TENM2: variants seen among roughly 807,000 people sequenced by gnomAD.
TENM2 encodes the protein teneurin transmembrane protein 2, also known as teneurin-2.
TENM2 carries 52 observed loss-of-function variants against 245.2 expected under a neutral mutation model. That is an observed-to-expected ratio of 0.21 (90% confidence interval 0.17 to 0.27). TENM2 has a LOEUF of 0.27. TENM2 is among the 10% of genes least tolerant of loss of function. The probability of loss-of-function intolerance (pLI) is 1.00; values close to 1 mark genes in which losing one functional copy is unlikely to be tolerated. For synonymous variants in TENM2, 1,363 were observed against 1,438.9 expected, an observed-to-expected ratio of 0.95 and a Z score of 1.19; for missense variants, 3,046 against 3,666.8, an observed-to-expected ratio of 0.83 and a Z score of 4.37.
At chr5:167,259,343 G>A in the TENM2 span, among the ~76,000 whole-genome samples, 2 of 152,118 alleles carry the variant, frequency 1.3e-5, no homozygotes, top group Non-Finnish European at 2.9e-5. Flanking sequence ...CAGATTCAGT[G>A]TTGCTAGATG....
chr5:167,488,134 C>T (rs1768197078), intron 2 of TENM2, among the ~76,000 whole-genome samples: 1 of 152,078 alleles, frequency 6.6e-6, no homozygotes, highest in Non-Finnish European at 1.5e-5. Context: ...TGTTTCTCTC[C>T]TTCATCATAA....
chr5:167,203,692 A>G, the TENM2 span, among the ~76,000 whole-genome samples: 5 of 152,210 alleles, frequency 3.3e-5, no homozygotes, highest in African/African-American at 9.6e-5. Flanking sequence ...ATAACAAGCT[A>G]TGATGATAGG....
In TENM2 at chr5:168,247,827, G is replaced by T. The variant is rs780461044; in HGVS notation, c.6888G>T (p.Trp2296Cys). Residue 2296 changes from tryptophan (W) to cysteine (C), a missense_variant, in exon 27 of 29, where the codon TGG becomes TGT. Transcript: ENST00000518659. This position sits in a 1 kb window ranked among gnomAD's most constrained non-coding sequence, Gnocchi z 7.8. ...GAGCCTACAACAAGGCCAGCGGGTG[G>T]AGTGTCCAGTACCGCTATGATGGCG... 6.8e-6 allele frequency: 11 copies of T among 1,613,994 alleles called. No individual in the cohort carries two copies. Among genetic ancestry groups the T allele is most frequent in the Non-Finnish European group, 9.3e-6 (11 of 1,179,884 alleles).
intron 2 of TENM2, among the ~76,000 whole-genome samples, chr5:167,527,555 C>T (rs569902657): frequency 1.3e-4 from 20 of 152,234 alleles, no homozygotes; most frequent in East Asian, 1.2e-3. Flanking sequence ...ACTCCAAAGA[C>T]GGGAGAAGAT....
rs192249113 is a variant in TENM2 at position 167,359,378 on chromosome 5, C to T, written c.227-15820C>T. On this transcript the variant is annotated intron_variant, in intron 1 of 28. Coordinates refer to ENST00000518659, the Ensembl canonical transcript of TENM2. ...GAGATCTTTGCACCATTGGCTTCCT[C>T]ATGCAGCAGGTATTGGAAAGATTAA... Among the ~76,000 whole-genome samples the T allele has an allele frequency of 4.7e-3, 722 of 152,258 alleles. 16 individuals are homozygous for T. Among genetic ancestry groups the T allele is most frequent in the Non-Finnish European group, 3.2e-3 (219 of 68,024 alleles).
intron 4 of TENM2, among the ~76,000 whole-genome samples, chr5:167,961,731 A>G (rs774001126): frequency 1.4e-4 from 21 of 152,226 alleles, no homozygotes; most frequent in Admixed American, 8.5e-4. Flanking sequence ...GAATCTAGGG[A>G]TAGAGGGACA....
At position 168,228,818 on chromosome 5, in the gene TENM2, G is replaced by A. The variant is rs531483781; in HGVS notation, c.5520+688G>A. Among the ~76,000 whole-genome samples the A allele has an allele frequency of 2.9e-4, 44 of 150,780 alleles. 1 individual carries two copies. In the Middle Eastern group the frequency reaches 0.011, roughly 36 times the overall value. On this transcript the variant is annotated intron_variant, in intron 25 of 28. Transcript: ENST00000518659. ...TCCCAGACCAGGCAACTTGCCCCAC[G>A]TGACATCTTTTTAAAACCAATATAT... is the stretch of plus-strand genomic sequence containing the variant.
chr5:167,330,052 G>A (rs747086869), intron 1 of TENM2, among the ~76,000 whole-genome samples: 6 of 152,172 alleles, frequency 3.9e-5, no homozygotes, highest in African/African-American at 1.2e-4. Flanking sequence ...GAAAATCTCC[G>A]TTCTTTTTGT....
chr5:167,394,100 A>G (rs552799052), intron 2 of TENM2, among the ~76,000 whole-genome samples: 1 of 152,236 alleles, frequency 6.6e-6, no homozygotes, highest in African/African-American at 2.4e-5. Context: ...TGTTGCTAGT[A>G]TTCTTTGCTG....
At chr5:167,677,347 G>A (rs922363568) in intron 2 of TENM2, among the ~76,000 whole-genome samples, 1 of 151,624 alleles carries the variant, frequency 6.6e-6, no homozygotes, top group Admixed American at 6.6e-5. Context: ...ACAAAGATCT[G>A]CAAGGAAACA....
chr5:167,818,646 G>T (rs1481916295), intron 2 of TENM2, among the ~76,000 whole-genome samples: 1 of 152,084 alleles, frequency 6.6e-6, no homozygotes, highest in Non-Finnish European at 1.5e-5. Context: ...GGGCAGTGAG[G>T]GTGTCCCAAG....
At chr5:167,716,189 T>C (rs1759242352) in intron 2 of TENM2, among the ~76,000 whole-genome samples, 1 of 152,192 alleles carries the variant, frequency 6.6e-6, no homozygotes, top group South Asian at 2.1e-4. Context: ...CAGTAACTCC[T>C]GTCACGAAGG....
chr5:167,500,061 G>GGGT (rs112130477), intron 2 of TENM2, among the ~76,000 whole-genome samples: 1 of 148,002 alleles, frequency 6.8e-6, no homozygotes, highest in Non-Finnish European at 1.5e-5. Context: ...TATATATGAG[G>GGGT]GTGTGTGTGT....
intron 20 of TENM2, among the ~76,000 whole-genome samples, chr5:168,213,348 A>G (rs980043354): frequency 1.1e-4 from 16 of 152,192 alleles, no homozygotes; most frequent in Non-Finnish European, 1.5e-5. Flanking sequence ...GTTCCTAAAA[A>G]TAGCTTCCTA....
chr5:167,946,620 A>T (rs1583451706), intron 3 of TENM2, among the ~76,000 whole-genome samples: 1 of 152,162 alleles, frequency 6.6e-6, no homozygotes, highest in South Asian at 2.1e-4. Flanking sequence ...CAGCCAGGGC[A>T]GGGGACCTGT....
intron 3 of TENM2, among the ~76,000 whole-genome samples, chr5:167,935,289 A>T (rs1317622182): frequency 6.6e-6 from 1 of 152,104 alleles, no homozygotes; most frequent in Non-Finnish European, 1.5e-5. Context: ...CCCTATTGTG[A>T]GCCTAGGCAG....
At chr5:168,052,410 A>C (rs558702601) in intron 6 of TENM2, among the ~76,000 whole-genome samples, 2 of 151,870 alleles carry the variant, frequency 1.3e-5, no homozygotes, top group Non-Finnish European at 2.9e-5. Context: ...ACACACCCAC[A>C]CACACACACA....
intron 2 of TENM2, among the ~76,000 whole-genome samples, chr5:167,506,030 T>G (rs760293927): frequency 1.3e-5 from 2 of 151,126 alleles, no homozygotes; most frequent in Non-Finnish European, 2.9e-5. Flanking sequence ...AAAAAAAAAA[T>G]GTTATTTCAA....
intron 2 of TENM2, among the ~76,000 whole-genome samples, chr5:167,836,871 C>T (rs184206458): frequency 1.5e-3 from 224 of 152,240 alleles, no homozygotes; most frequent in Non-Finnish European, 2.7e-3. Flanking sequence ...TCTTTGACTA[C>T]TTTGCATACT....
Sources: gnomAD v4.1 joint callset for allele counts (sites outside exome capture counted in the v4.1 genomes callset) on GRCh38, gnomAD v4.1.1 for gene constraint, Gnocchi (gnomAD v3.1) non-coding constraint, MANE v1.5 for transcripts, NCBI Gene and HGNC (gene_info 2026-07-23, HGNC 2026-07-21) for gene names.